The following KIF1A variants were observed in gnomAD, a reference collection of about 807,000 sequenced individuals.
KIF1A encodes the protein kinesin-like protein KIF1A.
A neutral mutation model predicts 227.3 loss-of-function variants in KIF1A; 46 were observed. The observed-to-expected ratio is 0.20, with a 90% CI of 0.16 to 0.26. The LOEUF is 0.26. Ranked by LOEUF, KIF1A falls within the 10% of genes least tolerant of loss-of-function variation. The pLI, the probability that KIF1A is intolerant of heterozygous loss-of-function variation, is 1.00. For missense variants in KIF1A, 1,683 were observed against 2,485.9 expected (o/e 0.68, Z 6.87); for synonymous variants, 1,022 against 1,012.8 (o/e 1.01, Z -0.17).
At chr2:240,786,817 TGAGTGAGAGGGTGGGG>T (rs1317089881) in intron 5 of KIF1A, among the ~76,000 whole-genome samples, 1 of 147,728 alleles carries the variant, frequency 6.8e-6, no homozygotes, top group African/African-American at 2.6e-5. Context: ...TCAGGACCCC[TGAGTGAGAGGGTGGGG>T]GCTGCCTGCT....
intron 38 of KIF1A, chr2:240,728,251 A>T (rs1005588039): frequency 5.1e-5 from 25 of 487,176 alleles, no homozygotes; most frequent in Non-Finnish European, 9.1e-5. Context: ...CATGTCACCG[A>T]GGAGCAATCC....
Position 240,752,421 on chromosome 2 carries a change from C to A in KIF1A, c.2859-1874G>T, listed in dbSNP as rs900767862. Among the ~76,000 whole-genome samples the A allele has an allele frequency of 1.3e-5, 2 of 152,128 alleles. No homozygotes were observed. The highest frequency in any genetic ancestry group is 4.8e-5 in the African/African-American group (2 of 41,430). On this transcript the variant is annotated intron_variant, in intron 27 of 48. Coordinates refer to ENST00000498729, the MANE Select transcript of KIF1A (RefSeq NM_001244008.2). This position sits in a 1 kb window ranked among gnomAD's most constrained non-coding sequence, Gnocchi z 6.4. ...TCCGCAGGCAGGGACTCACCAGCAT[C>A]CCCTTGGGAGGGGGACGGCAATGCC...
At chr2:240,732,510 A>G in intron 38 of KIF1A, among the ~76,000 whole-genome samples, 1 of 121,164 alleles carries the variant, frequency 8.3e-6, no homozygotes, top group African/African-American at 3.1e-5. Flanking sequence ...GGAGGAATTG[A>G]GTGAGGAAAT....
Position 240,742,818 on chromosome 2 carries a change from G to A in KIF1A, c.3640+111C>T. The A allele has an allele frequency of 4.0e-6, 4 of 992,876 alleles. No homozygotes were observed. In the South Asian group the frequency reaches 4.3e-5, roughly 11 times the overall value. The allele number at this position is 992,876 out of a possible 1,614,324, so 61.5% of individuals were successfully genotyped here. ...CAGGGTGGCGCCAGAGTGCCTGGGAGGGCACAGCCCAGTCACAGAGGACAG... is the reference window on the plus strand; with the variant it reads ...CAGGGTGGCGCCAGAGTGCCTGGGAAGGCACAGCCCAGTCACAGAGGACAG... On this transcript the variant is annotated intron_variant, in intron 34 of 48. Coordinates refer to ENST00000498729, the MANE Select transcript of KIF1A (RefSeq NM_001244008.2).
rs866927510 is a variant in KIF1A, at chr2:240,715,932, A to C, written c.*1432T>G. On this transcript the variant is annotated 3_prime_UTR_variant, in exon 49 of 49. Transcript: ENST00000498729. ...TTGGCTACTGTCTTTCCTTGAGCTA[A>C]AAAGAGACCAAATCGACCTGTGGGT... The C allele has an allele frequency of 2.0e-5, 3 of 152,400 alleles. No homozygotes were observed. Among genetic ancestry groups the C allele is most frequent in the African/African-American group, 7.2e-5 (3 of 41,542 alleles). The allele number at this position is 152,400 out of a possible 1,614,324, so 9.4% of individuals were successfully genotyped here.
In KIF1A at chr2:240,783,240, C is replaced by T. The variant is rs922630778; in HGVS notation, c.799-131G>A. 32 of 767,932 alleles carry T rather than the reference C, an allele frequency of 4.2e-5. No individual in the cohort carries two copies. In the Admixed American group the frequency reaches 6.3e-4, roughly 15 times the overall value. 47.6% of individuals were successfully genotyped at this position (767,932 alleles called of 1,614,324 possible). On this transcript the variant is annotated intron_variant, in intron 8 of 48. Coordinates refer to ENST00000498729, the MANE Select transcript of KIF1A (RefSeq NM_001244008.2). ...CACTGCAGCTGCTGATCTCTGGGGCCACTTGGGCGTGGGGTGCCCTGGCAG... is the reference window on the plus strand; with the variant it reads ...CACTGCAGCTGCTGATCTCTGGGGCTACTTGGGCGTGGGGTGCCCTGGCAG...
chr2:240,754,213 T>C (rs2049557583), intron 27 of KIF1A, among the ~76,000 whole-genome samples: 1 of 152,132 alleles, frequency 6.6e-6, no homozygotes, highest in East Asian at 1.9e-4. Flanking sequence ...GTAGAGGTTA[T>C]ACAATGAAAA....
At chr2:240,779,758 T>C (rs1379057038) in intron 10 of KIF1A, among the ~76,000 whole-genome samples, 2 of 151,788 alleles carry the variant, frequency 1.3e-5, no homozygotes, top group African/African-American at 4.8e-5. Context: ...TTCCTCATAG[T>C]TCCCCACAGT....
intron 1 of KIF1A, among the ~76,000 whole-genome samples, chr2:240,805,055 AGAGGGGAGGGAGAGGGCAGGG>A (rs1175561576): frequency 6.0e-5 from 3 of 49,798 alleles, no homozygotes; most frequent in East Asian, 8.7e-4. Flanking sequence ...GTGGGGAGGG[AGAGGGGAGGGAGAGGGCAGGG>A]AGAGGGGAGG....
chr2:240,744,435 C>T (rs562635628), intron 32 of KIF1A, among the ~76,000 whole-genome samples: 2 of 152,330 alleles, frequency 1.3e-5, no homozygotes, highest in East Asian at 3.9e-4. Context: ...TGTCCCCTCA[C>T]CAAATTCGTA....
At position 240,752,366 on chromosome 2, in the gene KIF1A, G is replaced by C. The variant is rs57387644; in HGVS notation, c.2859-1819C>G. Among the ~76,000 whole-genome samples the C allele has an allele frequency of 6.6e-6, 1 of 152,238 alleles. No individual in the cohort carries two copies. Among genetic ancestry groups the C allele is most frequent in the South Asian group, 2.1e-4 (1 of 4,818 alleles). Reference sequence around the variant, plus strand: ...GAGAGGACACTGAGGCCCACAGGGCGGGGCCCCTCCCCACAGTCCTGCTGG... The same window carrying C: ...GAGAGGACACTGAGGCCCACAGGGCCGGGCCCCTCCCCACAGTCCTGCTGG... On this transcript the variant is annotated intron_variant, in intron 27 of 48. Coordinates refer to ENST00000498729, the MANE Select transcript of KIF1A (RefSeq NM_001244008.2). The surrounding 1 kb of genome is among the most constrained non-coding windows in gnomAD (Gnocchi z 6.4).
chr2:240,763,740 A>G (rs2050812750), intron 20 of KIF1A, among the ~76,000 whole-genome samples: 1 of 152,044 alleles, frequency 6.6e-6, no homozygotes, highest in Non-Finnish European at 1.5e-5. Flanking sequence ...TGGGCCCTCC[A>G]CAGAGCACTG....
Position 240,781,936 on chromosome 2 carries a change from C to T in KIF1A, c.882+654G>A, listed in dbSNP as rs372123213. On this transcript the variant is annotated intron_variant, in intron 10 of 48. Transcript: ENST00000498729. Reference sequence around the variant, plus strand: ...ACAGCTCTTCACAATTCACACAGTTCTCTGTCCCCACACAGCCACCGCCGA... The same window carrying T: ...ACAGCTCTTCACAATTCACACAGTTTTCTGTCCCCACACAGCCACCGCCGA... 1.6e-4 allele frequency: 156 copies of T among 985,412 alleles called. 2 individuals are homozygous for T. The African/African-American group carries it at 2.2e-3, about 14-fold the overall frequency. 61.0% of individuals were successfully genotyped at this position (985,412 alleles called of 1,614,324 possible).
chr2:240,766,871 G>T lies in KIF1A; in HGVS notation c.1684+44C>A. Reference sequence around the variant, plus strand: ...ACCTCATTCAGGCCTGATCATCACGGCACAGGGGCATGGGTGCGGGTAGGG... The same window carrying T: ...ACCTCATTCAGGCCTGATCATCACGTCACAGGGGCATGGGTGCGGGTAGGG... On this transcript the variant is annotated intron_variant, in intron 19 of 48. Transcript: ENST00000498729. This position sits in a 1 kb window ranked among gnomAD's most constrained non-coding sequence, Gnocchi z 5.0. The T allele has an allele frequency of 7.2e-7, 1 of 1,391,164 alleles. No homozygotes were observed. The highest frequency in any genetic ancestry group is 1.0e-6 in the Non-Finnish European group (1 of 997,164). The allele number at this position is 1,391,164 out of a possible 1,614,324, so 86.2% of individuals were successfully genotyped here. A position where few individuals can be genotyped will look rare whatever the true frequency, so the allele number is the denominator to read the frequency against.
chr2:240,763,321 G>A lies in KIF1A; in HGVS notation c.1794C>T (p.Ser598=), dbSNP rs967827529. 4 of 1,590,968 alleles carry A rather than the reference G, an allele frequency of 2.5e-6. No individual in the cohort carries two copies. In the African/African-American group the frequency reaches 4.0e-5, roughly 16 times the overall value. The change falls in exon 21 of 49, where the codon AGC becomes AGT. Residue 598 remains serine, a synonymous_variant. Coordinates refer to ENST00000498729, the MANE Select transcript of KIF1A (RefSeq NM_001244008.2). ...CGGGGTGGTTGAACCGGAACACATG[G>A]CTCTTACCCATGATGATGCGGTTTC... The part of the protein sequence containing the change: ...RSGNRIIMGK[S]HVFRFNHPEQ...
rs2055085330 is a variant in KIF1A, at chr2:240,787,455, A to G, written c.364-139T>C. On this transcript the variant is annotated intron_variant, in intron 4 of 48. Transcript: ENST00000498729. ...CTCTTGCACCCTCACCACACACGTC[A>G]TGGTAAAGGCACTGAGAAAGTCTGT... The G allele has an allele frequency of 4.1e-6, 3 of 729,536 alleles. No homozygotes were observed. In the South Asian group the frequency reaches 4.5e-5, roughly 11 times the overall value. 45.2% of individuals were successfully genotyped at this position (729,536 alleles called of 1,614,324 possible). A position where few individuals can be genotyped will look rare whatever the true frequency, so the allele number is the denominator to read the frequency against.
At chr2:240,797,482 G>C (rs1006409722) in intron 2 of KIF1A, among the ~76,000 whole-genome samples, 165 bp downstream of exon 2, 3 of 152,214 alleles carry the variant, frequency 2.0e-5, no homozygotes, top group Non-Finnish European at 4.4e-5. Context: ...CACCACCGTT[G>C]GTGGCAGTTT....
intron 1 of KIF1A, among the ~76,000 whole-genome samples, chr2:240,802,780 T>C (rs2057079103): frequency 6.6e-6 from 1 of 152,144 alleles, no homozygotes; most frequent in African/African-American, 2.4e-5. Flanking sequence ...TATGGGCATA[T>C]GTCACCATAC....
intron 10 of KIF1A, among the ~76,000 whole-genome samples, chr2:240,781,372 T>C (rs1233901869): frequency 9.3e-4 from 2 of 2,146 alleles, no homozygotes; most frequent in Admixed American, 4.9e-3. Flanking sequence ...CACACACAGC[T>C]CCCCACACAC....
Sources: gnomAD v4.1 joint callset for allele counts (sites outside exome capture counted in the v4.1 genomes callset) on GRCh38, gnomAD v4.1.1 for gene constraint, Gnocchi (gnomAD v3.1) non-coding constraint, MANE v1.5 for transcripts, NCBI Gene and HGNC (gene_info 2026-07-23, HGNC 2026-07-21) for gene names.